The following DTNA variants were observed in gnomAD, a reference collection of about 807,000 sequenced individuals.
DTNA encodes the protein dystrophin-related protein 3.
A neutral mutation model predicts 100.7 loss-of-function variants in DTNA; 43 were observed. The ratio of observed to expected loss-of-function variants is 0.43; its 90% CI spans 0.33 to 0.55. DTNA has a LOEUF of 0.55. Ranked by LOEUF, DTNA falls within the 20% of genes least tolerant of loss-of-function variation. The pLI is 0.04. For synonymous variants in DTNA, 349 were observed against 347.9 expected, an observed-to-expected ratio of 1.00 and a Z score of -0.04; for missense variants, 798 against 953.9, an observed-to-expected ratio of 0.84 and a Z score of 2.15.
intron 1 of DTNA, among the ~76,000 whole-genome samples, chr18:34,732,788 A>G (rs2088612804): frequency 6.6e-6 from 1 of 152,204 alleles, no homozygotes; most frequent in Non-Finnish European, 1.5e-5. Flanking sequence ...ATAAATGGTG[A>G]GTATTTTTTA....
chr18:34,866,024 T>G (rs2150188146), intron 17 of DTNA: 1 of 1,457,706 alleles, frequency 6.9e-7, no homozygotes, highest in Non-Finnish European at 9.6e-7. Flanking sequence ...TGTTGATGTT[T>G]CCCCATCTTG....
At chr18:34,562,523 A>T (rs2046730357) in intron 1 of DTNA, among the ~76,000 whole-genome samples, 1 of 151,974 alleles carries the variant, frequency 6.6e-6, no homozygotes, top group South Asian at 2.1e-4. Flanking sequence ...TTTTTTCTTT[A>T]CCATGCAGCA....
rs1170611175 is a variant in DTNA at position 34,838,740 on chromosome 18, T to C, written c.1254-5T>C. 6.2e-7 allele frequency: 1 copy of C among 1,613,196 alleles called. No homozygotes were observed. The highest frequency in any genetic ancestry group is 1.7e-5 in the Admixed American group (1 of 60,006). On this transcript the variant is annotated splice_polypyrimidine_tract_variant and splice_region_variant and intron_variant, in intron 12 of 22. Coordinates refer to ENST00000444659, the MANE Select transcript of DTNA (RefSeq NM_001386795.1). ...CACGCTTTCTTTCCCCCTGCCCTGT[T>C]TCAGGATACAGTACAGCCTGAATGT...
At chr18:34,654,986 C>T (rs1473616114) in intron 1 of DTNA, among the ~76,000 whole-genome samples, 3 of 152,150 alleles carry the variant, frequency 2.0e-5, no homozygotes, top group African/African-American at 7.2e-5. Context: ...CTCGGCCTCC[C>T]AAAGTGTTGG....
chr18:34,663,832 G>A (rs2075536988), intron 1 of DTNA, among the ~76,000 whole-genome samples: 1 of 152,108 alleles, frequency 6.6e-6, no homozygotes, highest in Non-Finnish European at 1.5e-5. Context: ...GACTCGTGGT[G>A]ACATTAACAA....
At chr18:34,821,558 T>G in intron 9 of DTNA, 1 of 455,768 alleles carries the variant, frequency 2.2e-6, no homozygotes, top group East Asian at 7.0e-5. Context: ...TTTCATGCCT[T>G]TGAACCTCTC....
In DTNA at chr18:34,817,748, C is replaced by T. The variant is rs190268548; in HGVS notation, c.710-416C>T. On this transcript the variant is annotated intron_variant, in intron 7 of 22. Transcript: ENST00000444659. ...TCTCATTCTCCGTGTCTCTGATATT[C>T]GCTCTCTTCCCACTGGACAATCAGC... is the stretch of plus-strand genomic sequence containing the variant. 2.1e-4 allele frequency among the ~76,000 whole-genome samples: 32 copies of T among 152,276 alleles called. No homozygotes were observed. The East Asian group carries it at 6.2e-3, about 29-fold the overall frequency.
At chr18:34,701,620 C>T (rs2081382086) in intron 1 of DTNA, among the ~76,000 whole-genome samples, 1 of 152,160 alleles carries the variant, frequency 6.6e-6, no homozygotes, top group African/African-American at 2.4e-5. Flanking sequence ...TATGTGACAT[C>T]TCAAATTCAA....
chr18:34,890,340 C>T lies in DTNA; in HGVS notation c.*2606C>T, dbSNP rs1246528320. 1.3e-6 allele frequency: 2 copies of T among 1,535,998 alleles called. No homozygotes were observed. The highest frequency in any genetic ancestry group is 1.7e-6 in the Non-Finnish European group (2 of 1,146,906). ...GAGACCAGACTCGAGCACCCCTGTCCTGTAAGCGAGACAAAATGGCGTGTG... is the reference window on the plus strand; with the variant it reads ...GAGACCAGACTCGAGCACCCCTGTCTTGTAAGCGAGACAAAATGGCGTGTG... On this transcript the variant is annotated 3_prime_UTR_variant, in exon 23 of 23. Transcript: ENST00000444659.
chr18:34,735,336 C>T (rs1032812288), intron 1 of DTNA, among the ~76,000 whole-genome samples: 2 of 152,148 alleles, frequency 1.3e-5, no homozygotes, highest in African/African-American at 2.4e-5. Flanking sequence ...ATTTTGGCAG[C>T]ACCCTTGCAG....
At chr18:34,526,226 A>G (rs1402000754) in intron 1 of DTNA, among the ~76,000 whole-genome samples, 1 of 152,174 alleles carries the variant, frequency 6.6e-6, no homozygotes, top group African/African-American at 2.4e-5. Flanking sequence ...TGGGAGACTT[A>G]AAGAGGAATC....
At chr18:34,831,005 C>T (rs1050879429) in intron 11 of DTNA, among the ~76,000 whole-genome samples, 1 of 152,098 alleles carries the variant, frequency 6.6e-6, no homozygotes, top group Admixed American at 6.6e-5. Context: ...AAGCCAGGTC[C>T]CAAAGGCTCT....
At chr18:34,607,189 A>T (rs889974416) in intron 1 of DTNA, among the ~76,000 whole-genome samples, 3 of 152,206 alleles carry the variant, frequency 2.0e-5, no homozygotes, top group African/African-American at 7.2e-5. Context: ...CATCCCTTGA[A>T]ATACTGTTTG....
chr18:34,533,388 A>T (rs1322652882), intron 1 of DTNA, among the ~76,000 whole-genome samples: 1 of 151,460 alleles, frequency 6.6e-6, no homozygotes, highest in Non-Finnish European at 1.5e-5. Context: ...AAAAAAAAAA[A>T]GTACAGAGTG....
chr18:34,496,244 A>ACC (rs1601080841), intron 1 of DTNA, among the ~76,000 whole-genome samples: 3 of 147,426 alleles, frequency 2.0e-5, no homozygotes, highest in African/African-American at 7.4e-5. Context: ...ACACACACAC[A>ACC]CCAGAATTAT....
intron 1 of DTNA, among the ~76,000 whole-genome samples, chr18:34,714,406 A>G (rs1211414698): frequency 6.7e-6 from 1 of 149,014 alleles, no homozygotes; most frequent in East Asian, 1.9e-4. Flanking sequence ...AAACAACCCC[A>G]TCAAAAAGTG....
intron 1 of DTNA, among the ~76,000 whole-genome samples, chr18:34,601,553 A>G (rs1003924662): frequency 6.6e-6 from 1 of 152,204 alleles, no homozygotes; most frequent in East Asian, 1.9e-4. Flanking sequence ...GAATTTCTAC[A>G]CTATTGGATA....
At chr18:34,839,868 G>A (rs950130668) in intron 13 of DTNA, among the ~76,000 whole-genome samples, 7 of 152,160 alleles carry the variant, frequency 4.6e-5, no homozygotes, top group African/African-American at 9.6e-5. Flanking sequence ...GACAAAAACT[G>A]CAATTACTTT....
intron 1 of DTNA, among the ~76,000 whole-genome samples, chr18:34,678,078 G>T (rs1431043202): frequency 6.6e-6 from 1 of 152,080 alleles, no homozygotes; most frequent in African/African-American, 2.4e-5. Context: ...AGGGGGAAAA[G>T]CCCCTATACT....
Sources: gnomAD v4.1 joint callset for allele counts (sites outside exome capture counted in the v4.1 genomes callset) on GRCh38, gnomAD v4.1.1 for gene constraint, MANE v1.5 for transcripts, NCBI Gene and HGNC (gene_info 2026-07-23, HGNC 2026-07-21) for gene names.